RABGAP1L: variants seen among roughly 807,000 people sequenced by gnomAD.
RABGAP1L encodes rab GTPase-activating protein 1-like.
A neutral mutation model predicts 137.7 loss-of-function variants in RABGAP1L; 63 were observed. That is an observed-to-expected ratio of 0.46 (90% CI 0.37 to 0.56). The LOEUF is 0.56. RABGAP1L is among the 20% of genes least tolerant of loss of function. The pLI, the probability that RABGAP1L is intolerant of heterozygous loss-of-function variation, is 0.00. For missense variants in RABGAP1L, 1,095 were observed against 1,244.0 expected, an observed-to-expected ratio of 0.88 and a Z score of 1.80; for synonymous variants, 431 against 433.7, an observed-to-expected ratio of 0.99 and a Z score of 0.08.
intron 13 of RABGAP1L, among the ~76,000 whole-genome samples, chr1:174,537,656 G>A (rs1664995218): frequency 6.6e-6 from 1 of 152,192 alleles, no homozygotes; most frequent in Non-Finnish European, 1.5e-5. Flanking sequence ...GGAGAGAGGT[G>A]TAGAGTGGTG....
chr1:174,629,636 C>A (rs1337059563), intron 13 of RABGAP1L, among the ~76,000 whole-genome samples: 1 of 152,168 alleles, frequency 6.6e-6, no homozygotes, highest in African/African-American at 2.4e-5. Flanking sequence ...GATTCTCCTG[C>A]CTCAGCCTCC....
chr1:174,500,264 G>C (rs1034983301), intron 13 of RABGAP1L, among the ~76,000 whole-genome samples: 2 of 152,082 alleles, frequency 1.3e-5, no homozygotes, highest in Admixed American at 6.6e-5. Context: ...ATTTTTAGTA[G>C]AGACAGGGTT....
intron 12 of RABGAP1L, among the ~76,000 whole-genome samples, chr1:174,386,264 A>G (rs1686767690): frequency 6.6e-6 from 1 of 152,174 alleles, no homozygotes; most frequent in African/African-American, 2.4e-5. Context: ...TCTCTGAGGT[A>G]GGTATTATTA....
At chr1:174,271,249 A>G (rs1674535158) in intron 7 of RABGAP1L, among the ~76,000 whole-genome samples, 1 of 152,144 alleles carries the variant, frequency 6.6e-6, no homozygotes, top group African/African-American at 2.4e-5. Context: ...AGTGATCCTC[A>G]AGAACTTATA....
At chr1:174,595,533 G>C (rs1298109928) in intron 13 of RABGAP1L, among the ~76,000 whole-genome samples, 2 of 117,842 alleles carry the variant, frequency 1.7e-5, no homozygotes, top group Non-Finnish European at 3.5e-5. Flanking sequence ...ATGGGTTTTC[G>C]GTGTAGATGT....
At chr1:174,412,007 T>C (rs1353028156) in intron 13 of RABGAP1L, among the ~76,000 whole-genome samples, 1 of 152,112 alleles carries the variant, frequency 6.6e-6, no homozygotes, top group Non-Finnish European at 1.5e-5. Flanking sequence ...ACTGGACAAG[T>C]GTCAAGTTTA....
At chr1:174,214,576 C>T (rs1344482369) in intron 1 of RABGAP1L, among the ~76,000 whole-genome samples, 1 of 152,090 alleles carries the variant, frequency 6.6e-6, no homozygotes, top group Non-Finnish European at 1.5e-5. Flanking sequence ...ACATTATTTG[C>T]TTTTAAATTA....
chr1:174,224,609 G>C (rs1363839577), intron 3 of RABGAP1L, among the ~76,000 whole-genome samples: 1 of 152,130 alleles, frequency 6.6e-6, no homozygotes, highest in Non-Finnish European at 1.5e-5. Context: ...CTGTTATAGA[G>C]TAATATTCTC....
intron 11 of RABGAP1L, among the ~76,000 whole-genome samples, chr1:174,321,531 A>C (rs1413882344): frequency 6.6e-6 from 1 of 152,172 alleles, no homozygotes; most frequent in East Asian, 1.9e-4. Flanking sequence ...TTTATTTCTC[A>C]GACCGGCCAA....
At chr1:174,712,672 A>G (rs1680653720) in intron 17 of RABGAP1L, among the ~76,000 whole-genome samples, 1 of 152,166 alleles carries the variant, frequency 6.6e-6, no homozygotes. Flanking sequence ...GCTGCCCAGC[A>G]GTAGCTACTT....
Position 174,304,971 on chromosome 1 carries a change from T to C in RABGAP1L, c.1324-15T>C. The C allele has an allele frequency of 3.3e-6, 5 of 1,521,714 alleles. No individual in the cohort carries two copies. Among genetic ancestry groups the C allele is most frequent in the Non-Finnish European group, 4.4e-6 (5 of 1,135,278 alleles). The allele number at this position is 1,521,714 out of a possible 1,614,324, so 94.3% of individuals were successfully genotyped here. ...AGATTTCTAATACTTAAATATACTG[T>C]TATATTTTTCTCAGTCTGAGGGAAA... On this transcript the variant is annotated splice_polypyrimidine_tract_variant and intron_variant, in intron 10 of 25. Coordinates refer to ENST00000681986, the MANE Select transcript of RABGAP1L (RefSeq NM_001366446.1).
chr1:174,481,159 G>C (rs1283752949), intron 13 of RABGAP1L, among the ~76,000 whole-genome samples: 13 of 151,942 alleles, frequency 8.6e-5, no homozygotes, highest in African/African-American at 2.9e-4. Flanking sequence ...TACACTTGAC[G>C]CCAGCCCACT....
chr1:174,763,837 CAAAAAAAAA>C (rs570110788), intron 18 of RABGAP1L, among the ~76,000 whole-genome samples: 127 of 81,162 alleles, frequency 1.6e-3, no homozygotes, highest in African/African-American at 5.5e-3. Context: ...GACTCCGTCT[CAAAAAAAAA>C]AAAAAAAAAA....
At chr1:174,354,940 T>C (rs1683494070) in intron 11 of RABGAP1L, among the ~76,000 whole-genome samples, 1 of 152,218 alleles carries the variant, frequency 6.6e-6, no homozygotes, top group South Asian at 2.1e-4. Context: ...TTTCTTCTTT[T>C]TGTCAGGTTT....
chr1:174,467,949 A>C (rs1657490546), intron 13 of RABGAP1L, among the ~76,000 whole-genome samples: 1 of 152,168 alleles, frequency 6.6e-6, no homozygotes, highest in South Asian at 2.1e-4. Flanking sequence ...AATTTCCCTC[A>C]ATAGGAAAAC....
At chr1:174,757,499 C>G (rs1333018946) in intron 18 of RABGAP1L, among the ~76,000 whole-genome samples, 1 of 149,092 alleles carries the variant, frequency 6.7e-6, no homozygotes, top group Non-Finnish European at 1.5e-5. Context: ...TTATGGAAAT[C>G]AAAAGCAAGT....
At chr1:174,652,170 C>T (rs1004464133) in intron 14 of RABGAP1L, among the ~76,000 whole-genome samples, 3 of 152,242 alleles carry the variant, frequency 2.0e-5, no homozygotes, top group Non-Finnish European at 4.4e-5. Flanking sequence ...GGCCCCCACT[C>T]TCTTCTAGCT....
In RABGAP1L at chr1:174,241,601, T is replaced by C; in HGVS notation, c.661T>C (p.Ser221Pro). 6.2e-7 allele frequency: 1 copy of C among 1,613,984 alleles called. No homozygotes were observed. The highest frequency in any genetic ancestry group is 8.5e-7 in the Non-Finnish European group (1 of 1,179,966). ...ESNCFAFTESSHGSEEFQIHV... is the reference protein window; with the variant it reads ...ESNCFAFTESPHGSEEFQIHV... ...CAATTGCTTTGCATTTACAGAGAGTTCCCATGGTTCGGAAGAATTTCAGAT... is the reference window on the plus strand; with the variant it reads ...CAATTGCTTTGCATTTACAGAGAGTCCCCATGGTTCGGAAGAATTTCAGAT... Residue 221 changes from serine to proline, a missense_variant, in exon 5 of 26, where the codon TCC becomes CCC. Physicochemically the swap from Ser to Pro is moderately conservative, Grantham distance 74. This residue lies in a region of RABGAP1L where 356 missense variants were observed against 326.3 expected (regional missense o/e 1.09). Transcript: ENST00000681986.
In RABGAP1L at chr1:174,953,766, C is replaced by T. The variant is rs77788209; in HGVS notation, c.2341-3691C>T. Among the ~76,000 whole-genome samples, 162 of 152,266 alleles carry T rather than the reference C, an allele frequency of 1.1e-3. 1 individual carries two copies. The highest frequency in any genetic ancestry group is 6.8e-3 in the Middle Eastern group (2 of 294). On this transcript the variant is annotated intron_variant, in intron 19 of 25. Coordinates refer to ENST00000681986, the MANE Select transcript of RABGAP1L (RefSeq NM_001366446.1). Reference sequence around the variant, plus strand: ...AGTATCAGCAGACACTGTGGGAGATCGGTCAGAGCGGTGGGGAAAAACTAT... The same window carrying T: ...AGTATCAGCAGACACTGTGGGAGATTGGTCAGAGCGGTGGGGAAAAACTAT...
Sources: gnomAD v4.1 joint callset for allele counts (sites outside exome capture counted in the v4.1 genomes callset) on GRCh38, gnomAD v4.1.1 for gene constraint, gnomAD v4.1.1 regional missense constraint, MANE v1.5 for transcripts, NCBI Gene and HGNC (gene_info 2026-07-23, HGNC 2026-07-21) for gene names.